Variants in TCERG1L observed in about 807,000 individuals in gnomAD.
The protein encoded by TCERG1L is transcription elongation regulator 1 like, also known as transcription elongation regulator 1-like protein.
A neutral mutation model predicts 56.3 loss-of-function variants in TCERG1L; 37 were observed. The ratio of observed to expected loss-of-function variants is 0.66; its 90% CI spans 0.51 to 0.87. The LOEUF (loss-of-function observed/expected upper bound fraction) is 0.87, where lower values mean the gene tolerates loss of function less well. TCERG1L is among the 40% of genes least tolerant of loss of function. The pLI, the probability that TCERG1L is intolerant of heterozygous loss-of-function variation, is 0.00. For synonymous variants in TCERG1L, 324 were observed against 326.3 expected (o/e 0.99, Z 0.08); for missense variants, 799 against 774.2 (o/e 1.03, Z -0.38).
intron 4 of TCERG1L, among the ~76,000 whole-genome samples, chr10:131,206,175 C>T (rs1845523615): frequency 6.6e-6 from 1 of 152,246 alleles, no homozygotes; most frequent in Non-Finnish European, 1.5e-5. Context: ...AACGAATGAA[C>T]TGCCAATCGG....
intron 4 of TCERG1L, among the ~76,000 whole-genome samples, chr10:131,197,859 C>A (rs998967168): frequency 1.3e-5 from 2 of 152,188 alleles, no homozygotes; most frequent in Non-Finnish European, 2.9e-5. Context: ...ATCACATAAT[C>A]GAGGAAATTG....
At chr10:131,096,169 A>G (rs1845244716) in intron 11 of TCERG1L, among the ~76,000 whole-genome samples, 1 of 152,196 alleles carries the variant, frequency 6.6e-6, no homozygotes, top group Non-Finnish European at 1.5e-5. Flanking sequence ...GCTCGGGAGC[A>G]CAGGAAGGTC....
chr10:131,264,980 C>A (rs181013682), intron 3 of TCERG1L, among the ~76,000 whole-genome samples: 1 of 152,288 alleles, frequency 6.6e-6, no homozygotes, highest in African/African-American at 2.4e-5. Context: ...GACATGTCCT[C>A]CGACTTCAGA....
intron 2 of TCERG1L, 64 bp from the exon 3 acceptor site, chr10:131,308,455 C>A: frequency 7.1e-7 from 1 of 1,413,604 alleles, no homozygotes; most frequent in Middle Eastern, 2.1e-4. Context: ...TGAGCATGAC[C>A]ATGAAAATAT....
intron 4 of TCERG1L, among the ~76,000 whole-genome samples, chr10:131,207,352 T>C (rs924518803): frequency 2.0e-5 from 3 of 152,224 alleles, no homozygotes; most frequent in African/African-American, 7.2e-5. Context: ...GACAGGCGTC[T>C]TGCTGCCGAG....
In TCERG1L at chr10:131,311,367, A is replaced by G; in HGVS notation, c.269T>C (p.Leu90Pro). 2.5e-6 allele frequency: 3 copies of G among 1,197,532 alleles called. No individual in the cohort carries two copies. The highest frequency in any genetic ancestry group is 3.1e-6 in the Non-Finnish European group (3 of 967,780). 74.2% of individuals were successfully genotyped at this position (1,197,532 alleles called of 1,614,324 possible). A position where few individuals can be genotyped will look rare whatever the true frequency, so the allele number is the denominator to read the frequency against. ...WPAPSEPVLP[L>P]LPLPSAPDSA... is the part of the protein sequence containing the mutation. ...GTCTGGCGCAGAGGGCAGCGGCAGC[A>G]GCGGGAGCACCGGCTCGCTCGGGGC... Residue 90 changes from leucine to proline, a missense_variant, in exon 1 of 12, where the codon CTG (leucine) becomes CCG (proline). By Grantham distance (98) the Leu-to-Pro change is moderately conservative. Coordinates refer to ENST00000368642, the MANE Select transcript of TCERG1L (RefSeq NM_174937.4). This position sits in a 1 kb window ranked among gnomAD's most constrained non-coding sequence, Gnocchi z 4.0.
At chr10:131,143,270 G>A (rs982549888) in intron 7 of TCERG1L, among the ~76,000 whole-genome samples, 2 of 152,158 alleles carry the variant, frequency 1.3e-5, no homozygotes, top group African/African-American at 4.8e-5. Flanking sequence ...GTCCCTGCAG[G>A]CGGTCCCTCC....
chr10:131,115,858 C>G (rs1053422883), intron 9 of TCERG1L, among the ~76,000 whole-genome samples: 1 of 152,166 alleles, frequency 6.6e-6, no homozygotes, highest in Non-Finnish European at 1.5e-5. Context: ...GGGTTCTGCT[C>G]AGACCTCTCT....
At chr10:131,284,059 G>A (rs1388545319) in intron 3 of TCERG1L, among the ~76,000 whole-genome samples, 32 of 151,072 alleles carry the variant, frequency 2.1e-4, no homozygotes, top group Admixed American at 2.0e-3. Flanking sequence ...CCCAGGGGGC[G>A]AGGCTGCAGT....
chr10:131,300,180 T>G (rs1846745370), intron 3 of TCERG1L, among the ~76,000 whole-genome samples: 1 of 152,182 alleles, frequency 6.6e-6, no homozygotes, highest in African/African-American at 2.4e-5. Flanking sequence ...AATCAGAAGT[T>G]TAAATGTGAT....
At chr10:131,290,368 C>G (rs936639640) in intron 3 of TCERG1L, among the ~76,000 whole-genome samples, 1 of 152,070 alleles carries the variant, frequency 6.6e-6, no homozygotes. Flanking sequence ...ATGGTGGCTC[C>G]CGCCTGTAAT....
intron 9 of TCERG1L, among the ~76,000 whole-genome samples, chr10:131,106,428 C>G (rs1161264587): frequency 1.3e-5 from 2 of 152,142 alleles, no homozygotes; most frequent in Non-Finnish European, 2.9e-5. Flanking sequence ...TCAGGGTTCA[C>G]AAAGGAGCCT....
chr10:131,189,567 T>C (rs970952010), intron 4 of TCERG1L, among the ~76,000 whole-genome samples: 8 of 152,244 alleles, frequency 5.3e-5, no homozygotes, highest in African/African-American at 1.9e-4. Context: ...ACATTTCCTT[T>C]ATCGTATCTT....
intron 4 of TCERG1L, among the ~76,000 whole-genome samples, chr10:131,222,835 G>C (rs1459863907): frequency 2.6e-5 from 4 of 152,278 alleles, no homozygotes; most frequent in African/African-American, 9.6e-5. Context: ...ATGAGAGAAG[G>C]CTGGGGCCTC....
At chr10:131,147,498 G>T (rs10765041) in intron 6 of TCERG1L, among the ~76,000 whole-genome samples, 52,549 of 152,084 alleles carry the variant, frequency 0.35, 9,604 homozygotes, top group South Asian at 0.57. Flanking sequence ...AAGGCCGGCC[G>T]GGGCTCTGGG....
In TCERG1L at chr10:131,311,339, G is replaced by GGCA. The variant is rs979933345; in HGVS notation, c.296_297insTGC (p.Ala105dup). On this transcript the variant is annotated inframe_insertion, in exon 1 of 12. Coordinates refer to ENST00000368642, the MANE Select transcript of TCERG1L (RefSeq NM_174937.4). The surrounding 1 kb of genome is among the most constrained non-coding windows in gnomAD (Gnocchi z 4.0). ...AGGGGTGCGCGGCGGCGGCGGCGGC[G>GGCA]GAGTCTGGCGCAGAGGGCAGCGGCA... 6.7e-5 allele frequency: 81 copies of GGCA among 1,204,566 alleles called. No individual in the cohort carries two copies. Among genetic ancestry groups the GGCA allele is most frequent in the Admixed American group, 1.3e-4 (3 of 22,548 alleles). The allele number at this position is 1,204,566 out of a possible 1,614,324, so 74.6% of individuals were successfully genotyped here.
chr10:131,239,864 T>A (rs955113387), intron 4 of TCERG1L, among the ~76,000 whole-genome samples: 1 of 152,190 alleles, frequency 6.6e-6, no homozygotes, highest in Non-Finnish European at 1.5e-5. Flanking sequence ...AAAGCGTGCA[T>A]TATCTTACTA....
chr10:131,218,262 A>G (rs1179258126), intron 4 of TCERG1L, among the ~76,000 whole-genome samples: 1 of 152,182 alleles, frequency 6.6e-6, no homozygotes, highest in East Asian at 1.9e-4. Flanking sequence ...GCACCAATAC[A>G]TCTAACCGAT....
chr10:131,109,988 C>G (rs561081508), intron 9 of TCERG1L, among the ~76,000 whole-genome samples: 93 of 152,300 alleles, frequency 6.1e-4, no homozygotes, highest in African/African-American at 2.2e-3. Flanking sequence ...AGATAGTGGC[C>G]GGCTGGCAGC....
Sources: allele counts gnomAD v4.1 joint callset (sites outside exome capture counted in the v4.1 genomes callset), GRCh38; gene constraint gnomAD v4.1.1; non-coding constraint Gnocchi (gnomAD v3.1); transcripts MANE v1.5; gene names NCBI Gene and HGNC (gene_info 2026-07-23, HGNC 2026-07-21).